The following EXOC4 variants were observed in gnomAD, a reference collection of about 807,000 sequenced individuals.
EXOC4 encodes SEC8-like 1.
EXOC4 carries 71 observed loss-of-function variants against 107.2 expected under a neutral mutation model. The ratio of observed to expected loss-of-function variants is 0.66; its 90% confidence interval spans 0.55 to 0.81. The LOEUF (loss-of-function observed/expected upper bound fraction) is 0.81. EXOC4 is among the 30% of genes least tolerant of loss of function. EXOC4 has a pLI of 0.00. For synonymous variants in EXOC4, 456 were observed against 441.2 expected, an observed-to-expected ratio of 1.03 and a Z score of -0.42; for missense variants, 1,108 against 1,189.6, an observed-to-expected ratio of 0.93 and a Z score of 1.01.
At chr7:133,932,473 A>G (rs1800200692) in intron 13 of EXOC4, among the ~76,000 whole-genome samples, 1 of 152,188 alleles carries the variant, frequency 6.6e-6, no homozygotes, top group Admixed American at 6.5e-5. Flanking sequence ...AACCCACAGA[A>G]AAGTTAACAG....
In EXOC4 at chr7:133,317,397, A is replaced by AT. The variant is rs1563015620; in HGVS notation, c.763+10dup. The AT allele has an allele frequency of 6.4e-7, 1 of 1,563,928 alleles. No homozygotes were observed. Among genetic ancestry groups the AT allele is most frequent in the East Asian group, 2.2e-5 (1 of 44,618 alleles). ...ACTGCTGGAAGCTCAAGTGGTAAGT[A>AT]TTTAATTCTTCAGCCACTAAGCTTT... On this transcript the variant is annotated splice_region_variant and intron_variant, in intron 5 of 17. Transcript: ENST00000253861.
chr7:133,888,219 C>T (rs1799129018), intron 11 of EXOC4, among the ~76,000 whole-genome samples: 1 of 152,154 alleles, frequency 6.6e-6, no homozygotes, highest in Admixed American at 6.5e-5. Context: ...AGCTATACAC[C>T]TTTGTTTATT....
chr7:133,828,737 G>T (rs969471533), intron 11 of EXOC4, among the ~76,000 whole-genome samples: 2 of 152,148 alleles, frequency 1.3e-5, no homozygotes, highest in East Asian at 3.8e-4. Flanking sequence ...CACAGTGAAA[G>T]AATTTCCACC....
intron 9 of EXOC4, among the ~76,000 whole-genome samples, chr7:133,488,780 C>T (rs572059483): frequency 6.6e-6 from 1 of 151,778 alleles, no homozygotes; most frequent in Admixed American, 6.6e-5. Flanking sequence ...GTTGTAGAGT[C>T]ACAAAGTAGA....
chr7:133,818,503 C>T (rs564090013), intron 11 of EXOC4, among the ~76,000 whole-genome samples: 1 of 152,174 alleles, frequency 6.6e-6, no homozygotes, highest in South Asian at 2.1e-4. Context: ...CTTAGAGAAG[C>T]GTCCTAGTTA....
chr7:133,552,136 C>T (rs1271891874), intron 9 of EXOC4, among the ~76,000 whole-genome samples: 1 of 152,118 alleles, frequency 6.6e-6, no homozygotes, highest in African/African-American at 2.4e-5. Context: ...ATTCTGACTA[C>T]ATGATATTGC....
chr7:133,431,805 G>A (rs1342519004), intron 7 of EXOC4, among the ~76,000 whole-genome samples: 2 of 152,216 alleles, frequency 1.3e-5, no homozygotes, highest in African/African-American at 4.8e-5. Flanking sequence ...ACTACAGGTA[G>A]ACATTGAGAG....
At chr7:134,032,186 T>C (rs575074858) in intron 17 of EXOC4, among the ~76,000 whole-genome samples, 2 of 152,302 alleles carry the variant, frequency 1.3e-5, no homozygotes, top group East Asian at 3.9e-4. Flanking sequence ...TTTTTTCTTA[T>C]AACTACATTA....
intron 7 of EXOC4, among the ~76,000 whole-genome samples, chr7:133,383,022 C>T (rs1156500180): frequency 1.3e-4 from 20 of 152,124 alleles, no homozygotes; most frequent in Non-Finnish European, 5.9e-5. Context: ...TTTCAGTTTT[C>T]ACTCTTTTTG....
At chr7:134,100,114 T>C in the EXOC4 span, among the ~76,000 whole-genome samples, 4 of 152,188 alleles carry the variant, frequency 2.6e-5, no homozygotes, top group African/African-American at 9.6e-5. Flanking sequence ...CTTGCTGATA[T>C]GTCTTTTTGT....
intron 7 of EXOC4, among the ~76,000 whole-genome samples, chr7:133,441,814 C>T (rs181724516): frequency 3.3e-4 from 51 of 152,272 alleles, no homozygotes; most frequent in Admixed American, 2.2e-3. Context: ...CACTGTTAAG[C>T]CTGTGTGTTT....
intron 17 of EXOC4, among the ~76,000 whole-genome samples, chr7:134,051,456 A>T (rs1405173871): frequency 6.6e-6 from 1 of 152,156 alleles, no homozygotes; most frequent in Non-Finnish European, 1.5e-5. Flanking sequence ...GTGGATCATG[A>T]GGTCAGGAGT....
chr7:133,632,543 T>C (rs1169199671), intron 10 of EXOC4, among the ~76,000 whole-genome samples: 3 of 152,198 alleles, frequency 2.0e-5, no homozygotes, highest in African/African-American at 7.2e-5. Context: ...ACTTTTTTTA[T>C]TTGAGTTTTC....
intron 12 of EXOC4, among the ~76,000 whole-genome samples, chr7:133,914,945 T>G (rs1175461191): frequency 6.6e-6 from 1 of 151,936 alleles, no homozygotes; most frequent in Non-Finnish European, 1.5e-5. Flanking sequence ...TCTAAAACAT[T>G]CAAGGAGATA....
chr7:133,439,748 A>G (rs1798063693), intron 7 of EXOC4, among the ~76,000 whole-genome samples: 1 of 152,170 alleles, frequency 6.6e-6, no homozygotes, highest in Non-Finnish European at 1.5e-5. Context: ...TAAAGCCTGT[A>G]ACACAAAAGA....
At chr7:133,449,028 A>T (rs1029054276) in intron 7 of EXOC4, among the ~76,000 whole-genome samples, 1 of 152,162 alleles carries the variant, frequency 6.6e-6, no homozygotes, top group African/African-American at 2.4e-5. Context: ...GAATCGCTTG[A>T]ATCTGGGAGG....
chr7:133,951,742 A>G (rs1800695824), intron 14 of EXOC4, among the ~76,000 whole-genome samples: 1 of 152,228 alleles, frequency 6.6e-6, no homozygotes. Context: ...GAACACAGGC[A>G]TAGGGTAAGG....
intron 17 of EXOC4, among the ~76,000 whole-genome samples, chr7:134,038,085 G>C (rs1795433103): frequency 6.6e-6 from 1 of 152,194 alleles, no homozygotes; most frequent in East Asian, 1.9e-4. Flanking sequence ...CCACTCAGTA[G>C]AACAGACATC....
At chr7:133,496,274 G>A (rs2150881053) in intron 9 of EXOC4, among the ~76,000 whole-genome samples, 1 of 152,080 alleles carries the variant, frequency 6.6e-6, no homozygotes, top group Non-Finnish European at 1.5e-5. Flanking sequence ...TCCTGCCTTA[G>A]CCTCCCAAGT....
Sources: allele counts gnomAD v4.1 joint callset (sites outside exome capture counted in the v4.1 genomes callset), GRCh38; gene constraint gnomAD v4.1.1; transcripts MANE v1.5; gene names NCBI Gene and HGNC (gene_info 2026-07-23, HGNC 2026-07-21).